ABAT: variants seen among roughly 807,000 people sequenced by gnomAD.
ABAT encodes the protein 4-aminobutyrate aminotransferase, also known as 4-aminobutyrate aminotransferase, mitochondrial.
Under a neutral mutation model 64.6 loss-of-function variants are expected in ABAT, and 45 were observed. The ratio of observed to expected loss-of-function variants is 0.70; its 90% CI spans 0.55 to 0.89. The LOEUF (loss-of-function observed/expected upper bound fraction) is 0.89, where lower values mean the gene tolerates loss of function less well. Among genes scored for constraint, ABAT ranks in the 40% least tolerant of loss-of-function variants. The pLI is 0.00. For missense variants in ABAT, 633 were observed against 658.4 expected, an observed-to-expected ratio of 0.96 and a Z score of 0.42; for synonymous variants, 297 against 250.5, an observed-to-expected ratio of 1.19 and a Z score of -1.75.
chr16:8,707,558 C>G (rs539582653), intron 1 of ABAT, among the ~76,000 whole-genome samples: 1 of 152,068 alleles, frequency 6.6e-6, no homozygotes. Flanking sequence ...CACCCTCAAG[C>G]TGATGACCAT....
rs1044591684 is a variant in ABAT, at chr16:8,783,959, G to T, written c.*2529G>T. On this transcript the variant is annotated 3_prime_UTR_variant, in exon 16 of 16. Coordinates refer to ENST00000268251, the MANE Select transcript of ABAT (RefSeq NM_020686.6). ...TTCTTGTTGACTCAGGGCATAATGA[G>T]TTCCTGAGACATGCTCTTTTGGGGG... 1 of 152,220 alleles carries T rather than the reference G, an allele frequency of 6.6e-6. No homozygotes were observed. The highest frequency in any genetic ancestry group is 2.4e-5 in the African/African-American group (1 of 41,452). 9.4% of individuals were successfully genotyped at this position (152,220 alleles called of 1,614,324 possible).
chr16:8,725,556 C>G (rs555739796), intron 1 of ABAT, among the ~76,000 whole-genome samples: 54 of 152,284 alleles, frequency 3.5e-4, no homozygotes, highest in African/African-American at 1.2e-3. Flanking sequence ...AACTTCATTC[C>G]TTTTTATGAC....
intron 1 of ABAT, among the ~76,000 whole-genome samples, chr16:8,708,233 G>A (rs1490898210): frequency 1.3e-5 from 2 of 152,130 alleles, no homozygotes; most frequent in Admixed American, 1.3e-4. Flanking sequence ...CTGGTAAGAA[G>A]TTCAGAGTTA....
chr16:8,758,896 G>C (rs1012355510), intron 6 of ABAT, among the ~76,000 whole-genome samples: 4 of 152,144 alleles, frequency 2.6e-5, no homozygotes, highest in Non-Finnish European at 4.4e-5. Context: ...GAGGTCAGGA[G>C]TTCAAGACCA....
intron 14 of ABAT, among the ~76,000 whole-genome samples, chr16:8,778,783 AAAAAAC>A (rs1166724963): frequency 1.8e-4 from 28 of 151,744 alleles, no homozygotes; most frequent in African/African-American, 6.5e-4. Context: ...TCTCAAAAAA[AAAAAAC>A]AAAAAACAAA....
chr16:8,682,122 G>A (rs1437931612), intron 1 of ABAT, among the ~76,000 whole-genome samples: 5 of 151,462 alleles, frequency 3.3e-5, no homozygotes, highest in East Asian at 1.9e-4. Context: ...GAGAATCACC[G>A]GTTAGAGGCT....
chr16:8,769,090 C>A, intron 11 of ABAT, 117 bp downstream of exon 11: 1 of 1,428,630 alleles, frequency 7.0e-7, no homozygotes, highest in Admixed American at 1.8e-5. Flanking sequence ...GTGCAGTGCT[C>A]CCCCAGAGGG....
At chr16:8,680,283 T>C (rs1356784703) in intron 1 of ABAT, among the ~76,000 whole-genome samples, 1 of 152,234 alleles carries the variant, frequency 6.6e-6, no homozygotes, top group Non-Finnish European at 1.5e-5. Flanking sequence ...ATCACATTTA[T>C]TCTTGTGTCT....
intron 1 of ABAT, among the ~76,000 whole-genome samples, chr16:8,691,950 C>T (rs1200714547): frequency 6.6e-6 from 1 of 152,212 alleles, no homozygotes; most frequent in African/African-American, 2.4e-5. Context: ...TTCTATACCC[C>T]TTCCAGTGTT....
Position 8,689,339 on chromosome 16 carries a change from C to T in ABAT, c.-42+14628C>T, listed in dbSNP as rs533145130. On this transcript the variant is annotated intron_variant, in intron 1 of 15. Coordinates refer to ENST00000268251, the MANE Select transcript of ABAT (RefSeq NM_020686.6). The stretch of plus-strand genomic sequence containing the variant: ...TATTCTCTGTTCGGTTCTATTAATC[C>T]GTGTGTTTAATCTTTGCCCCCATAC... Among the ~76,000 whole-genome samples, 6 of 152,206 alleles carry T rather than the reference C, an allele frequency of 3.9e-5. No individual in the cohort carries two copies. The East Asian group carries it at 9.7e-4, about 24-fold the overall frequency.
intron 1 of ABAT, among the ~76,000 whole-genome samples, chr16:8,727,877 TG>T (rs974282221): frequency 2.0e-5 from 3 of 152,166 alleles, no homozygotes; most frequent in African/African-American, 7.2e-5. Flanking sequence ...GAGACCAGCC[TG>T]GGCAAAATAG....
chr16:8,695,377 C>T lies in ABAT; in HGVS notation c.-42+20666C>T, dbSNP rs2057679261. On this transcript the variant is annotated intron_variant, in intron 1 of 15. Transcript: ENST00000268251. ...GTAGTTTTAATTTCCTGCAGGATCC[C>T]AATGATTGTAAAGATTGTGTTTCTC... Among the ~76,000 whole-genome samples the T allele has an allele frequency of 2.0e-5, 3 of 152,170 alleles. No individual in the cohort carries two copies. The South Asian group carries it at 6.2e-4, about 32-fold the overall frequency.
intron 1 of ABAT, among the ~76,000 whole-genome samples, chr16:8,708,531 G>C (rs1484773822): frequency 6.6e-6 from 1 of 152,134 alleles, no homozygotes; most frequent in African/African-American, 2.4e-5. Flanking sequence ...GAACTCCTGA[G>C]CTCAAGCAAT....
At chr16:8,742,793 G>T (rs2059200063) in intron 2 of ABAT, among the ~76,000 whole-genome samples, 1 of 148,624 alleles carries the variant, frequency 6.7e-6, no homozygotes. Context: ...TTGAAACCGG[G>T]ATGCAGAGGT....
chr16:8,675,843 C>G (rs570158034), intron 1 of ABAT, among the ~76,000 whole-genome samples: 126 of 152,342 alleles, frequency 8.3e-4, no homozygotes, highest in African/African-American at 2.9e-3. Flanking sequence ...ACAGCTGGCC[C>G]TCTTCCAAGA....
chr16:8,689,465 G>A (rs1284021289), intron 1 of ABAT, among the ~76,000 whole-genome samples: 1 of 152,190 alleles, frequency 6.6e-6, no homozygotes, highest in Admixed American at 6.5e-5. Flanking sequence ...TGACAAAAAT[G>A]TATTGGGCTT....
chr16:8,770,344 A>G (rs935425397), intron 11 of ABAT, among the ~76,000 whole-genome samples: 3 of 152,112 alleles, frequency 2.0e-5, no homozygotes, highest in African/African-American at 7.2e-5. Context: ...TCACCGTGTT[A>G]GCCAGGATGG....
chr16:8,762,521 T>C (rs2059826829), intron 6 of ABAT, among the ~76,000 whole-genome samples: 1 of 152,250 alleles, frequency 6.6e-6, no homozygotes, highest in Non-Finnish European at 1.5e-5. Flanking sequence ...CTTCATGCTG[T>C]ACCCTAAGCC....
intron 1 of ABAT, among the ~76,000 whole-genome samples, chr16:8,723,555 C>T (rs1161277614): frequency 6.6e-6 from 1 of 152,092 alleles, no homozygotes; most frequent in Non-Finnish European, 1.5e-5. Context: ...GCTCTAGAAT[C>T]AATGACTACA....
Sources: gnomAD v4.1 joint callset for allele counts (sites outside exome capture counted in the v4.1 genomes callset) on GRCh38, gnomAD v4.1.1 for gene constraint, MANE v1.5 for transcripts, NCBI Gene and HGNC (gene_info 2026-07-23, HGNC 2026-07-21) for gene names.